The following LRFN5 variants were observed in gnomAD, a reference collection of about 807,000 sequenced individuals.
LRFN5 encodes the protein leucine-rich repeat and fibronectin type-III domain-containing protein 5.
A neutral mutation model predicts 45.6 loss-of-function variants in LRFN5; 24 were observed. That is an observed-to-expected ratio of 0.53 (90% CI 0.38 to 0.74). The LOEUF is 0.74. Among genes scored for constraint, LRFN5 ranks in the 30% least tolerant of loss-of-function variants. The pLI, the probability that LRFN5 is intolerant of heterozygous loss-of-function variation, is 0.00. For synonymous variants in LRFN5, 340 were observed against 313.8 expected, an observed-to-expected ratio of 1.08 and a Z score of -0.88; for missense variants, 776 against 861.5, an observed-to-expected ratio of 0.90 and a Z score of 1.24.
At position 41,696,969 on chromosome 14, in the gene LRFN5, T is replaced by C. The variant is rs564201285; in HGVS notation, c.-196-69885T>C. Reference sequence around the variant, plus strand: ...CTGGAGTAAACCACAAATAGTGATATTATTGGATTCAACATATTAATACTG... The same window carrying C: ...CTGGAGTAAACCACAAATAGTGATACTATTGGATTCAACATATTAATACTG... On this transcript the variant is annotated intron_variant, in intron 1 of 5. Transcript: ENST00000298119. 3.4e-4 allele frequency among the ~76,000 whole-genome samples: 51 copies of C among 152,132 alleles called. 1 individual carries two copies. The South Asian group carries it at 1.0e-2, about 30-fold the overall frequency.
chr14:41,758,467 G>T (rs1885508707), intron 1 of LRFN5, among the ~76,000 whole-genome samples: 1 of 152,104 alleles, frequency 6.6e-6, no homozygotes, highest in Non-Finnish European at 1.5e-5. Flanking sequence ...TGGCTTTACT[G>T]TATTTCATTT....
At chr14:41,841,805 A>T (rs1888869487) in intron 2 of LRFN5, among the ~76,000 whole-genome samples, 1 of 151,882 alleles carries the variant, frequency 6.6e-6, no homozygotes, top group South Asian at 2.1e-4. Flanking sequence ...TTAAATGTTT[A>T]GTTGTTTTGT....
At chr14:41,666,488 T>TGCTAAATG (rs1880905284) in intron 1 of LRFN5, among the ~76,000 whole-genome samples, 1 of 152,128 alleles carries the variant, frequency 6.6e-6, no homozygotes, top group Non-Finnish European at 1.5e-5. Flanking sequence ...TGACTACTCC[T>TGCTAAATG]GCTAAATGGC....
intron 1 of LRFN5, among the ~76,000 whole-genome samples, chr14:41,621,709 G>A (rs536966090): frequency 6.6e-6 from 1 of 152,188 alleles, no homozygotes; most frequent in South Asian, 2.1e-4. Context: ...AATTGCCTCA[G>A]CATCAAAGGA....
intron 2 of LRFN5, among the ~76,000 whole-genome samples, chr14:41,869,365 C>G (rs1889941224): frequency 6.6e-6 from 1 of 151,618 alleles, no homozygotes; most frequent in Non-Finnish European, 1.5e-5. Context: ...AAGTTTACCT[C>G]TATGGCATCT....
chr14:41,788,907 G>A (rs953347683), intron 2 of LRFN5, among the ~76,000 whole-genome samples: 3 of 151,978 alleles, frequency 2.0e-5, no homozygotes, highest in African/African-American at 7.2e-5. Flanking sequence ...TTGTGTGAAA[G>A]TGGAATTACA....
intron 1 of LRFN5, among the ~76,000 whole-genome samples, chr14:41,657,447 C>T (rs1880431459): frequency 6.6e-6 from 1 of 151,848 alleles, no homozygotes; most frequent in African/African-American, 2.4e-5. Context: ...TAACACTGTG[C>T]TCTGACCCAT....
At chr14:41,741,821 A>AAC (rs1039526950) in intron 1 of LRFN5, among the ~76,000 whole-genome samples, 2 of 151,672 alleles carry the variant, frequency 1.3e-5, no homozygotes, top group Admixed American at 6.7e-5. Context: ...AAATAAAAAA[A>AAC]AAAAACCAAA....
chr14:41,904,341 C>A lies in LRFN5; in HGVS notation c.*166C>A, dbSNP rs1436436445. The A allele has an allele frequency of 1.3e-6, 1 of 747,338 alleles. No individual in the cohort carries two copies. Among genetic ancestry groups the A allele is most frequent in the Non-Finnish European group, 2.2e-6 (1 of 460,334 alleles). 46.3% of individuals were successfully genotyped at this position (747,338 alleles called of 1,614,324 possible). ...AAGTCTCTGATGACGGCGGAACTGG[C>A]TCCATTAGACCATGGTTCATCCTCT... On this transcript the variant is annotated 3_prime_UTR_variant, in exon 6 of 6. Coordinates refer to ENST00000298119, the MANE Select transcript of LRFN5 (RefSeq NM_152447.5).
intron 2 of LRFN5, among the ~76,000 whole-genome samples, chr14:41,792,198 C>T (rs991254434): frequency 1.3e-5 from 2 of 151,898 alleles, no homozygotes; most frequent in African/African-American, 4.8e-5. Context: ...GGGTGTAAAG[C>T]AGGGAGTAGG....
At chr14:41,618,617 G>A (rs1378047416) in intron 1 of LRFN5, among the ~76,000 whole-genome samples, 1 of 152,034 alleles carries the variant, frequency 6.6e-6, no homozygotes. Flanking sequence ...ACCAGCTGAG[G>A]CTAGCCCAAA....
chr14:41,727,733 C>T (rs960562788), intron 1 of LRFN5, among the ~76,000 whole-genome samples: 1 of 151,874 alleles, frequency 6.6e-6, no homozygotes, highest in African/African-American at 2.4e-5. Context: ...TAAATAGAAA[C>T]AATTTCAACA....
intron 2 of LRFN5, among the ~76,000 whole-genome samples, chr14:41,835,596 T>G (rs1055669024): frequency 6.6e-6 from 1 of 152,110 alleles, no homozygotes; most frequent in African/African-American, 2.4e-5. Context: ...CATGGTGGCA[T>G]GCACCCACAG....
At position 41,611,216 on chromosome 14, in the gene LRFN5, T is replaced by C. The variant is rs201562897; in HGVS notation, c.-197+2654T>C. ...GATGCATGTTTGAAAATGTCACTCA[T>C]TGGTGCAGATTGGAGTTAGGTTAAA... On this transcript the variant is annotated intron_variant, in intron 1 of 5. Coordinates refer to ENST00000298119, the MANE Select transcript of LRFN5 (RefSeq NM_152447.5). Among the ~76,000 whole-genome samples, 11 of 152,290 alleles carry C rather than the reference T, an allele frequency of 7.2e-5. No individual in the cohort carries two copies. In the East Asian group the frequency reaches 1.4e-3, roughly 19 times the overall value.
intron 1 of LRFN5, among the ~76,000 whole-genome samples, chr14:41,694,292 TCTAG>T (rs1476443503): frequency 6.6e-6 from 1 of 151,952 alleles, no homozygotes; most frequent in Non-Finnish European, 1.5e-5. Context: ...ATTCCTTCTA[TCTAG>T]CTGAAACTTC....
At chr14:41,820,200 C>T (rs2139010973) in intron 2 of LRFN5, among the ~76,000 whole-genome samples, 1 of 107,490 alleles carries the variant, frequency 9.3e-6, no homozygotes, top group Non-Finnish European at 2.0e-5. Context: ...TAGGCCAAAT[C>T]CCAGAGTTTT....
intron 2 of LRFN5, among the ~76,000 whole-genome samples, chr14:41,843,277 A>G (rs979761015): frequency 5.3e-5 from 8 of 151,820 alleles, no homozygotes; most frequent in African/African-American, 1.5e-4. Context: ...TTTGTTTTGT[A>G]GAGATGAGGT....
chr14:41,730,133 C>A (rs1173548071), intron 1 of LRFN5, among the ~76,000 whole-genome samples: 1 of 151,966 alleles, frequency 6.6e-6, no homozygotes, highest in African/African-American at 2.4e-5. Context: ...ATGTTTATTG[C>A]AAATTATCAG....
At chr14:41,647,959 G>A (rs1286424490) in intron 1 of LRFN5, among the ~76,000 whole-genome samples, 1 of 152,178 alleles carries the variant, frequency 6.6e-6, no homozygotes, top group East Asian at 1.9e-4. Context: ...TACAGTAATA[G>A]TTAAGAAGAA....
Sources: allele counts gnomAD v4.1 joint callset (sites outside exome capture counted in the v4.1 genomes callset), GRCh38; gene constraint gnomAD v4.1.1; transcripts MANE v1.5; gene names NCBI Gene and HGNC (gene_info 2026-07-23, HGNC 2026-07-21).